Variants in TNFRSF21 observed in about 807,000 individuals in gnomAD.
TNFRSF21 encodes the protein tumor necrosis factor receptor superfamily member 21.
A neutral mutation model predicts 45.6 loss-of-function variants in TNFRSF21; 19 were observed. That is an observed-to-expected ratio of 0.42 (90% CI 0.29 to 0.61). The LOEUF (loss-of-function observed/expected upper bound fraction) is 0.61. TNFRSF21 is among the 20% of genes least tolerant of loss of function. TNFRSF21 has a pLI of 0.23. For synonymous variants in TNFRSF21, 314 were observed against 335.5 expected (o/e 0.94, Z 0.70); for missense variants, 737 against 851.5 (o/e 0.87, Z 1.67).
At chr6:47,245,800 A>G (rs918227291) in intron 4 of TNFRSF21, among the ~76,000 whole-genome samples, 1 of 152,222 alleles carries the variant, frequency 6.6e-6, no homozygotes, top group African/African-American at 2.4e-5. Context: ...TTATAAAGAA[A>G]TGAGGTTTCA....
rs770180427 is a variant in TNFRSF21 at position 47,286,174 on chromosome 6, C to A, written c.518G>T (p.Arg173Leu). 12 of 1,614,094 alleles carry A rather than the reference C, an allele frequency of 7.4e-6. No homozygotes were observed. The highest frequency in any genetic ancestry group is 2.2e-5 in the East Asian group (1 of 44,896). Residue 173 changes from arginine to leucine, a missense_variant, in exon 2 of 6, where the codon CGG becomes CTG. Coordinates refer to ENST00000296861, the MANE Select transcript of TNFRSF21 (RefSeq NM_014452.5). Reference sequence around the variant, plus strand: ...AGAAGGCACATCTGAGAAGGTACCCCGAGCACACTGCTTACACCGCACATC... The same window carrying A: ...AGAAGGCACATCTGAGAAGGTACCCAGAGCACACTGCTTACACCGCACATC... ...TEDVRCKQCARGTFSDVPSSV... is the reference protein window; with the variant it reads ...TEDVRCKQCALGTFSDVPSSV...
Position 47,290,138 on chromosome 6 carries a change from A to G in TNFRSF21, c.97-3543T>C, listed in dbSNP as rs115602070. Among the ~76,000 whole-genome samples, 625 of 152,354 alleles carry G rather than the reference A, an allele frequency of 4.1e-3. 6 individuals are homozygous for G. Among genetic ancestry groups the G allele is most frequent in the African/African-American group, 0.014 (564 of 41,588 alleles). On this transcript the variant is annotated intron_variant, in intron 1 of 5. Transcript: ENST00000296861. ...CATGCAAAAGCAGTTTTAGACAGCT[A>G]CAGTGTTCTGAAAGTTTGAAAGCTG...
At position 47,302,459 on chromosome 6, in the gene TNFRSF21, C is replaced by T. The variant is rs151063033; in HGVS notation, c.96+6957G>A. Among the ~76,000 whole-genome samples the T allele has an allele frequency of 8.9e-4, 135 of 152,254 alleles. 1 individual carries two copies. The highest frequency in any genetic ancestry group is 2.9e-3 in the African/African-American group (120 of 41,530). ...ACTAAACAAATATTTTTCAAAATGA[C>T]CCAAGTAGCAGGAAAGCAAAGGATC... On this transcript the variant is annotated intron_variant, in intron 1 of 5. Transcript: ENST00000296861.
At chr6:47,292,108 A>G (rs1360336034) in intron 1 of TNFRSF21, among the ~76,000 whole-genome samples, 8 of 152,140 alleles carry the variant, frequency 5.3e-5, no homozygotes, top group Admixed American at 5.2e-4. Context: ...GGTGAGGTGG[A>G]CCCCATTCAA....
intron 3 of TNFRSF21, among the ~76,000 whole-genome samples, chr6:47,278,055 G>A (rs1762523023): frequency 1.3e-5 from 2 of 152,286 alleles, no homozygotes; most frequent in African/African-American, 2.4e-5. Context: ...AGTGTCCATG[G>A]GCTGATGTGT....
At chr6:47,261,031 G>A (rs1430545288) in intron 3 of TNFRSF21, among the ~76,000 whole-genome samples, 1 of 152,106 alleles carries the variant, frequency 6.6e-6, no homozygotes, top group Non-Finnish European at 1.5e-5. Context: ...ACACACAGCA[G>A]TCTCCTGAGA....
At chr6:47,245,388 T>A (rs1764808433) in intron 4 of TNFRSF21, among the ~76,000 whole-genome samples, 1 of 152,062 alleles carries the variant, frequency 6.6e-6, no homozygotes, top group South Asian at 2.1e-4. Flanking sequence ...AAATTGTCTG[T>A]GTTGAATTAT....
At chr6:47,243,354 C>T (rs1203599497) in intron 4 of TNFRSF21, among the ~76,000 whole-genome samples, 1 of 152,024 alleles carries the variant, frequency 6.6e-6, no homozygotes. Flanking sequence ...TTTTTAACAT[C>T]TATGTATATA....
At chr6:47,246,199 T>C (rs1317198719) in intron 4 of TNFRSF21, among the ~76,000 whole-genome samples, 1 of 152,224 alleles carries the variant, frequency 6.6e-6, no homozygotes, top group East Asian at 1.9e-4. Flanking sequence ...CAGACAGTGT[T>C]TGGGACACAA....
intron 3 of TNFRSF21, among the ~76,000 whole-genome samples, chr6:47,262,324 C>G (rs1266988824): frequency 6.6e-6 from 1 of 152,170 alleles, no homozygotes; most frequent in Non-Finnish European, 1.5e-5. Flanking sequence ...ACAAAAACAT[C>G]CCTCCTTCCT....
intron 1 of TNFRSF21, among the ~76,000 whole-genome samples, chr6:47,296,746 G>A (rs1265854522): frequency 1.3e-5 from 2 of 152,234 alleles, no homozygotes; most frequent in Non-Finnish European, 1.5e-5. Flanking sequence ...GATGGGCATG[G>A]AAGCTCCATG....
At chr6:47,300,889 A>G (rs1167498034) in intron 1 of TNFRSF21, among the ~76,000 whole-genome samples, 1 of 152,214 alleles carries the variant, frequency 6.6e-6, no homozygotes, top group African/African-American at 2.4e-5. Context: ...ATGCCCCATA[A>G]ATTTTATTAA....
intron 3 of TNFRSF21, among the ~76,000 whole-genome samples, chr6:47,275,852 G>T (rs1023602992): frequency 1.3e-5 from 2 of 152,092 alleles, no homozygotes; most frequent in African/African-American, 4.8e-5. Flanking sequence ...CATGAGGTTG[G>T]CATTGAGCCT....
At chr6:47,237,718 C>G (rs1432156738) in intron 4 of TNFRSF21, among the ~76,000 whole-genome samples, 1 of 152,080 alleles carries the variant, frequency 6.6e-6, no homozygotes, top group African/African-American at 2.4e-5. Context: ...GTGACTCACA[C>G]CTATTTTTTT....
chr6:47,275,526 G>T (rs1475531726), intron 3 of TNFRSF21, among the ~76,000 whole-genome samples: 1 of 152,136 alleles, frequency 6.6e-6, no homozygotes, highest in Non-Finnish European at 1.5e-5. Context: ...CTCGGGGAAG[G>T]ATAGCATTAG....
At chr6:47,291,488 G>A (rs1051096493) in intron 1 of TNFRSF21, among the ~76,000 whole-genome samples, 4 of 152,122 alleles carry the variant, frequency 2.6e-5, no homozygotes, top group Non-Finnish European at 5.9e-5. Context: ...ATGGAGAGAC[G>A]GTGACAGATT....
At chr6:47,282,132 T>TC (rs1762575742) in intron 3 of TNFRSF21, among the ~76,000 whole-genome samples, 2 of 152,102 alleles carry the variant, frequency 1.3e-5, no homozygotes, top group African/African-American at 2.4e-5. Context: ...ACACCTGTAA[T>TC]CCCAGCACTT....
rs55690288 is a variant in TNFRSF21, at chr6:47,297,510, CTT to C, written c.97-10917_97-10916del. 3.5e-3 allele frequency among the ~76,000 whole-genome samples: 407 copies of C among 117,436 alleles called. 2 individuals are homozygous for C. Among genetic ancestry groups the C allele is most frequent in the African/African-American group, 6.4e-3 (203 of 31,574 alleles). 77.0% of individuals were successfully genotyped at this position (117,436 alleles called of 152,430 possible). ...TGATGGAAAATCCTTTCTCTTTTTACTTTTTTTTTTTTTTTTTTTTTGAGTTT... is the reference window on the plus strand; with the variant it reads ...TGATGGAAAATCCTTTCTCTTTTTACTTTTTTTTTTTTTTTTTTTGAGTTT... On this transcript the variant is annotated intron_variant, in intron 1 of 5. Transcript: ENST00000296861.
intron 3 of TNFRSF21, among the ~76,000 whole-genome samples, chr6:47,254,583 T>C (rs1454143384): frequency 6.6e-6 from 1 of 152,164 alleles, no homozygotes; most frequent in Admixed American, 6.5e-5. Context: ...CCCAGAACTG[T>C]CTAGGTAAAA....
Sources: allele counts gnomAD v4.1 joint callset (sites outside exome capture counted in the v4.1 genomes callset), GRCh38; gene constraint gnomAD v4.1.1; transcripts MANE v1.5; gene names NCBI Gene and HGNC (gene_info 2026-07-23, HGNC 2026-07-21).